CAMK2D: variants seen among roughly 807,000 people sequenced by gnomAD.
The protein encoded by CAMK2D is calcium/calmodulin dependent protein kinase II delta.
CAMK2D carries 37 observed loss-of-function variants against 84.0 expected under a neutral mutation model. The observed-to-expected ratio is 0.44, with a 90% CI of 0.34 to 0.58. CAMK2D has a LOEUF of 0.58. Ranked by LOEUF, CAMK2D falls within the 20% of genes least tolerant of loss-of-function variation. The pLI is 0.02. For missense variants in CAMK2D, 448 were observed against 652.5 expected, an observed-to-expected ratio of 0.69 and a Z score of 3.41; for synonymous variants, 202 against 212.5, an observed-to-expected ratio of 0.95 and a Z score of 0.43.
At chr4:113,507,437 GTT>G (rs71984715) in intron 13 of CAMK2D, among the ~76,000 whole-genome samples, 13 of 146,642 alleles carry the variant, frequency 8.9e-5, no homozygotes, top group African/African-American at 2.8e-4. Flanking sequence ...TTGTTTGTTT[GTT>G]TTTTTTTTTA....
At chr4:113,594,385 C>A (rs545530410) in intron 4 of CAMK2D, among the ~76,000 whole-genome samples, 1 of 152,082 alleles carries the variant, frequency 6.6e-6, no homozygotes, top group Non-Finnish European at 1.5e-5. Flanking sequence ...ACAAGGCATA[C>A]TAAAGGGCAA....
intron 15 of CAMK2D, among the ~76,000 whole-genome samples, chr4:113,501,242 T>G (rs983431988): frequency 3.3e-5 from 5 of 152,050 alleles, no homozygotes; most frequent in African/African-American, 1.2e-4. Context: ...ACAAATTAAG[T>G]GGAAGATTGT....
intron 12 of CAMK2D, among the ~76,000 whole-genome samples, chr4:113,510,015 A>G (rs2098189262): frequency 6.6e-6 from 1 of 152,210 alleles, no homozygotes; most frequent in African/African-American, 2.4e-5. Flanking sequence ...CAGAAAGTTG[A>G]ATTCAGTCTT....
intron 16 of CAMK2D, among the ~76,000 whole-genome samples, chr4:113,476,270 A>C (rs2097615864): frequency 6.6e-6 from 1 of 152,194 alleles, no homozygotes; most frequent in Admixed American, 6.5e-5. Context: ...GTGTAAATTT[A>C]CAATGGTCTG....
Position 113,564,409 on chromosome 4 carries a change from T to C in CAMK2D, c.276-12313A>G, listed in dbSNP as rs980795638. 2.0e-5 allele frequency among the ~76,000 whole-genome samples: 3 copies of C among 152,148 alleles called. 1 individual carries two copies. The highest frequency in any genetic ancestry group is 7.2e-5 in the African/African-American group (3 of 41,446). On this transcript the variant is annotated intron_variant, in intron 4 of 20. Transcript: ENST00000511664. ...ATCTTGATTTAATTTTCCATGAGCT[T>C]ATACATTCTTCAAGAAAGAGCCCAA...
intron 2 of CAMK2D, among the ~76,000 whole-genome samples, chr4:113,697,091 C>T (rs1403370667): frequency 6.6e-6 from 1 of 151,978 alleles, no homozygotes; most frequent in Non-Finnish European, 1.5e-5. Context: ...GGAGGTCAGT[C>T]GTACTGGAAG....
intron 2 of CAMK2D, chr4:113,754,418 G>C: frequency 2.1e-6 from 2 of 959,410 alleles, no homozygotes; most frequent in Non-Finnish European, 2.5e-6. Flanking sequence ...AAGATTTCTA[G>C]TAATTCGTGA....
At chr4:113,568,692 C>A (rs544796294) in intron 4 of CAMK2D, among the ~76,000 whole-genome samples, 1 of 152,310 alleles carries the variant, frequency 6.6e-6, no homozygotes, top group African/African-American at 2.4e-5. Context: ...TTCCCACCAG[C>A]AACCTACATG....
intron 16 of CAMK2D, among the ~76,000 whole-genome samples, chr4:113,466,125 GCATGC>G: frequency 6.6e-6 from 1 of 151,844 alleles, no homozygotes; most frequent in Admixed American, 6.5e-5. Context: ...GCTTGGTGGC[GCATGC>G]CTATAATCCC....
At chr4:113,569,683 A>T (rs2098743100) in intron 4 of CAMK2D, among the ~76,000 whole-genome samples, 1 of 152,222 alleles carries the variant, frequency 6.6e-6, no homozygotes, top group African/African-American at 2.4e-5. Flanking sequence ...AACCATTATC[A>T]TACAAGATCT....
At chr4:113,580,512 T>G (rs1353296227) in intron 4 of CAMK2D, among the ~76,000 whole-genome samples, 1 of 152,190 alleles carries the variant, frequency 6.6e-6, no homozygotes, top group Non-Finnish European at 1.5e-5. Context: ...TTCAGAAAAC[T>G]AACTAAAATC....
intron 3 of CAMK2D, among the ~76,000 whole-genome samples, chr4:113,611,609 G>A (rs767581732): frequency 1.2e-4 from 18 of 152,088 alleles, no homozygotes; most frequent in Non-Finnish European, 2.6e-4. Flanking sequence ...TGGAGAAGTA[G>A]CAATAATTTC....
intron 8 of CAMK2D, among the ~76,000 whole-genome samples, chr4:113,520,402 T>A (rs1457185033): frequency 6.6e-6 from 1 of 152,052 alleles, no homozygotes; most frequent in Non-Finnish European, 1.5e-5. Context: ...CAGAGTCTTG[T>A]GACTCTGCCT....
At chr4:113,697,317 G>C (rs1266541852) in intron 2 of CAMK2D, among the ~76,000 whole-genome samples, 1 of 152,112 alleles carries the variant, frequency 6.6e-6, no homozygotes, top group Admixed American at 6.6e-5. Context: ...TAAGGACATA[G>C]ATAGTTACAG....
chr4:113,640,431 C>CAA (rs2099127854), intron 3 of CAMK2D, among the ~76,000 whole-genome samples: 1 of 152,164 alleles, frequency 6.6e-6, no homozygotes. Context: ...GGAGGTAACT[C>CAA]ATATGGTTTC....
intron 2 of CAMK2D, among the ~76,000 whole-genome samples, chr4:113,751,811 CAT>C (rs960451546): frequency 2.0e-5 from 3 of 151,908 alleles, no homozygotes; most frequent in Non-Finnish European, 2.9e-5. Flanking sequence ...TTTTATCAGA[CAT>C]AGGAAGAAAA....
chr4:113,528,390 A>C (rs1234302991), intron 8 of CAMK2D, among the ~76,000 whole-genome samples: 1 of 152,168 alleles, frequency 6.6e-6, no homozygotes, highest in African/African-American at 2.4e-5. Context: ...CTGAGAAGCT[A>C]AGTGTGTTCT....
At chr4:113,577,508 A>G (rs956621183) in intron 4 of CAMK2D, among the ~76,000 whole-genome samples, 2 of 152,150 alleles carry the variant, frequency 1.3e-5, no homozygotes, top group African/African-American at 4.8e-5. Context: ...TCTCACTGTC[A>G]CTAATTACAT....
chr4:113,588,500 G>A (rs976076823), intron 4 of CAMK2D, among the ~76,000 whole-genome samples: 1 of 151,994 alleles, frequency 6.6e-6, no homozygotes. Context: ...GCAGATACTT[G>A]GCTAAACCAA....
Sources: gnomAD v4.1 joint callset for allele counts (sites outside exome capture counted in the v4.1 genomes callset) on GRCh38, gnomAD v4.1.1 for gene constraint, MANE v1.5 for transcripts, NCBI Gene and HGNC (gene_info 2026-07-23, HGNC 2026-07-21) for gene names.